The following STK3 variants were observed in gnomAD, a reference collection of about 807,000 sequenced individuals.
STK3 encodes the protein serine/threonine kinase 3, also known as serine/threonine-protein kinase 3.
A neutral mutation model predicts 58.0 loss-of-function variants in STK3; 41 were observed. That is an observed-to-expected ratio of 0.71 (90% confidence interval 0.55 to 0.92). STK3 has a LOEUF of 0.92. STK3 is among the 40% of genes least tolerant of loss of function. The pLI, the probability that STK3 is intolerant of heterozygous loss-of-function variation, is 0.00. For missense variants in STK3, 479 were observed against 602.7 expected (o/e 0.79, Z 2.15); for synonymous variants, 170 against 191.0 (o/e 0.89, Z 0.91).
At chr8:98,478,925 T>C (rs1198460876) in intron 10 of STK3, among the ~76,000 whole-genome samples, 1 of 152,212 alleles carries the variant, frequency 6.6e-6, no homozygotes, top group African/African-American at 2.4e-5. Context: ...TGTTCTGCGA[T>C]TTTCCTCTCT....
intron 3 of STK3, among the ~76,000 whole-genome samples, chr8:98,396,066 C>T (rs1423501865): frequency 6.6e-6 from 1 of 152,162 alleles, no homozygotes; most frequent in Non-Finnish European, 1.5e-5. Flanking sequence ...AAATTTGAAA[C>T]ACTGTCAAAT....
At chr8:98,558,026 C>A (rs1811735521) in intron 8 of STK3, among the ~76,000 whole-genome samples, 1 of 152,050 alleles carries the variant, frequency 6.6e-6, no homozygotes, top group African/African-American at 2.4e-5. Context: ...CTCCTGTGCA[C>A]AATACTAATA....
chr8:98,818,454 A>G (rs962603986), intron 1 of STK3, among the ~76,000 whole-genome samples: 1 of 152,242 alleles, frequency 6.6e-6, no homozygotes, highest in Non-Finnish European at 1.5e-5. Context: ...GAAAGAACAG[A>G]GCAACACAAC....
intron 10 of STK3, among the ~76,000 whole-genome samples, chr8:98,461,164 G>T (rs186153386): frequency 6.6e-6 from 1 of 152,164 alleles, no homozygotes. Context: ...GAATCTCAGA[G>T]CTCAAGAGTT....
intron 3 of STK3, among the ~76,000 whole-genome samples, chr8:98,873,144 C>T (rs549782551): frequency 4.1e-4 from 62 of 152,114 alleles, no homozygotes; most frequent in African/African-American, 1.4e-3. Context: ...TGTAGTTGAG[C>T]GGTTTTGAGT....
chr8:98,650,409 C>T (rs527787412), intron 6 of STK3, among the ~76,000 whole-genome samples: 3 of 152,358 alleles, frequency 2.0e-5, no homozygotes, highest in East Asian at 1.9e-4. Flanking sequence ...TCAGCGTGAG[C>T]GACACAGAAG....
intron 10 of STK3, among the ~76,000 whole-genome samples, chr8:98,459,176 G>A (rs1819739745): frequency 6.6e-6 from 1 of 152,204 alleles, no homozygotes; most frequent in African/African-American, 2.4e-5. Context: ...AGACGAACAT[G>A]AGAAACTCAC....
downstream of STK3, among the ~76,000 whole-genome samples, chr8:98,450,176 C>T (rs1222284517): frequency 1.3e-5 from 2 of 152,180 alleles, no homozygotes; most frequent in African/African-American, 4.8e-5. Flanking sequence ...GTGCAAATCA[C>T]CACCAGAGAG....
At chr8:98,912,736 T>G (rs1429587917) in intron 1 of STK3, among the ~76,000 whole-genome samples, 1 of 152,104 alleles carries the variant, frequency 6.6e-6, no homozygotes, top group Non-Finnish European at 1.5e-5. Flanking sequence ...AGAAAAGAAG[T>G]CTTCCATTCA....
intron 3 of STK3, among the ~76,000 whole-genome samples, chr8:98,752,016 C>G (rs563850194): frequency 1.3e-5 from 2 of 152,100 alleles, no homozygotes; most frequent in East Asian, 3.9e-4. Flanking sequence ...AATGGCCATA[C>G]TGCCCAAAGT....
At chr8:98,722,981 C>CAAA (rs201288237) in intron 4 of STK3, 1 of 379,878 alleles carries the variant, frequency 2.6e-6, no homozygotes, top group Non-Finnish European at 5.1e-6. Context: ...TTAAAACAAA[C>CAAA]AAAAAAAAAA....
At chr8:98,466,919 G>A (rs1009954676) in intron 10 of STK3, among the ~76,000 whole-genome samples, 2 of 152,162 alleles carry the variant, frequency 1.3e-5, no homozygotes, top group African/African-American at 4.8e-5. Context: ...GGGACCCAAG[G>A]AAGGTAAGGG....
intron 1 of STK3, among the ~76,000 whole-genome samples, chr8:98,789,518 CAAGAA>C (rs1468372881): frequency 1.3e-5 from 2 of 151,694 alleles, no homozygotes; most frequent in Non-Finnish European, 2.9e-5. Context: ...ACAAGATTAC[CAAGAA>C]AAGAAGAAAG....
intron 4 of STK3, among the ~76,000 whole-genome samples, chr8:98,733,962 G>C (rs1828386872): frequency 6.6e-6 from 1 of 152,174 alleles, no homozygotes; most frequent in African/African-American, 2.4e-5. Flanking sequence ...GGCTGTACAG[G>C]AGGCATGGCT....
At chr8:98,436,246 C>T (rs1035335984) in intron 2 of STK3, among the ~76,000 whole-genome samples, 1 of 152,110 alleles carries the variant, frequency 6.6e-6, no homozygotes, top group African/African-American at 2.4e-5. Flanking sequence ...CCATTTCTCC[C>T]ACAGCTCTGT....
intron 7 of STK3, chr8:98,595,441 T>G (rs1327967589): frequency 1.3e-5 from 2 of 152,136 alleles, no homozygotes; most frequent in Non-Finnish European, 2.9e-5. Flanking sequence ...GTTTTGTTAA[T>G]GTGAGACATA....
chr8:98,738,981 A>G (rs1563947495), intron 4 of STK3, among the ~76,000 whole-genome samples: 3 of 152,330 alleles, frequency 2.0e-5, no homozygotes, highest in African/African-American at 2.4e-5. Flanking sequence ...AAGGAGTCTC[A>G]CTGATTGCTA....
chr8:98,550,245 T>C, intron 8 of STK3, among the ~76,000 whole-genome samples: 1 of 152,142 alleles, frequency 6.6e-6, no homozygotes, highest in East Asian at 1.9e-4. Flanking sequence ...ATGCTAAGCT[T>C]GGGCATTAGG....
intron 1 of STK3, among the ~76,000 whole-genome samples, chr8:98,934,598 GATT>G (rs751130807): frequency 6.6e-6 from 1 of 152,216 alleles, no homozygotes; most frequent in Non-Finnish European, 1.5e-5. Context: ...CAATGACAGT[GATT>G]ATGGTGCCAA....
Sources: allele counts gnomAD v4.1 joint callset (sites outside exome capture counted in the v4.1 genomes callset), GRCh38; gene constraint gnomAD v4.1.1; transcripts MANE v1.5; gene names NCBI Gene and HGNC (gene_info 2026-07-23, HGNC 2026-07-21).